Variants in OXR1 observed in about 807,000 individuals in gnomAD.
The protein encoded by OXR1 is oxidation resistance protein 1.
A neutral mutation model predicts 104.6 loss-of-function variants in OXR1; 41 were observed. The ratio of observed to expected loss-of-function variants is 0.39; its 90% CI spans 0.31 to 0.51. The LOEUF (loss-of-function observed/expected upper bound fraction) is 0.51, where lower values mean the gene tolerates loss of function less well. Among genes scored for constraint, OXR1 ranks in the 20% least tolerant of loss-of-function variants. The probability of loss-of-function intolerance (pLI) is 0.77; values close to 1 mark genes in which losing one functional copy is unlikely to be tolerated. For missense variants in OXR1, 955 were observed against 1,031.9 expected, an observed-to-expected ratio of 0.93 and a Z score of 1.02; for synonymous variants, 348 against 348.4, an observed-to-expected ratio of 1.00 and a Z score of 0.01.
At chr8:106,327,370 A>G (rs1454605795) in intron 1 of OXR1, among the ~76,000 whole-genome samples, 3 of 152,206 alleles carry the variant, frequency 2.0e-5, no homozygotes, top group East Asian at 1.9e-4. Flanking sequence ...TTAAATTACT[A>G]TAAGGGTTTT....
chr8:106,618,864 A>G (rs542931207), intron 3 of OXR1, among the ~76,000 whole-genome samples: 41 of 147,442 alleles, frequency 2.8e-4, no homozygotes, highest in South Asian at 1.1e-3. Flanking sequence ...AAATAGGAGG[A>G]TTTTTTTTTT....
chr8:106,663,765 G>A (rs1825997053), intron 3 of OXR1, among the ~76,000 whole-genome samples: 1 of 152,158 alleles, frequency 6.6e-6, no homozygotes, highest in Non-Finnish European at 1.5e-5. Context: ...TCTAATCCCT[G>A]ATGATCTGAG....
intron 8 of OXR1, among the ~76,000 whole-genome samples, chr8:106,704,393 CTTTTTTTTTTTTTTT>C (rs71307084): frequency 5.6e-4 from 27 of 47,890 alleles, no homozygotes; most frequent in African/African-American, 2.1e-3. Context: ...CTTTCTTCTT[CTTTTTTTTTTTTTTT>C]TTTTTTTTTT....
At chr8:106,459,500 A>T (rs1298465918) in intron 2 of OXR1, among the ~76,000 whole-genome samples, 1 of 152,132 alleles carries the variant, frequency 6.6e-6, no homozygotes. Context: ...GACAAAGACA[A>T]GCGCATTACC....
intron 3 of OXR1, among the ~76,000 whole-genome samples, chr8:106,673,713 G>C (rs188469974): frequency 6.6e-6 from 1 of 152,296 alleles, no homozygotes. Context: ...TCATGGGCCA[G>C]ACCCAGGGCC....
intron 1 of OXR1, among the ~76,000 whole-genome samples, chr8:106,302,791 A>G (rs1002801537): frequency 6.6e-6 from 1 of 151,894 alleles, no homozygotes; most frequent in African/African-American, 2.4e-5. Context: ...TCGCTCTGTC[A>G]CCCAGGCTGG....
intron 2 of OXR1, among the ~76,000 whole-genome samples, chr8:106,475,363 G>A (rs1821744067): frequency 1.3e-5 from 2 of 151,922 alleles, no homozygotes; most frequent in African/African-American, 4.8e-5. Flanking sequence ...TTAAGTGGAA[G>A]TGGATCAACC....
chr8:106,536,954 GT>G (rs772953423), intron 3 of OXR1, among the ~76,000 whole-genome samples: 2 of 152,144 alleles, frequency 1.3e-5, no homozygotes, highest in Admixed American at 1.3e-4. Flanking sequence ...AGTTTGAATT[GT>G]TATGACAAAT....
At chr8:106,489,596 G>A (rs1160249775) in intron 2 of OXR1, among the ~76,000 whole-genome samples, 1 of 151,952 alleles carries the variant, frequency 6.6e-6, no homozygotes, top group Non-Finnish European at 1.5e-5. Context: ...GATATGTTTG[G>A]AATATTAAAT....
intron 2 of OXR1, among the ~76,000 whole-genome samples, chr8:106,378,339 TG>T (rs1816991788): frequency 6.6e-6 from 1 of 152,132 alleles, no homozygotes; most frequent in Non-Finnish European, 1.5e-5. Flanking sequence ...CTGGGCCACA[TG>T]GGAATGAGAA....
intron 1 of OXR1, among the ~76,000 whole-genome samples, chr8:106,284,554 A>G (rs1206546614): frequency 1.3e-5 from 2 of 152,332 alleles, no homozygotes; most frequent in East Asian, 3.9e-4. Context: ...CAGCATGCCT[A>G]GCAACTTTTT....
chr8:106,404,840 G>A (rs981656713), intron 2 of OXR1, among the ~76,000 whole-genome samples: 1 of 151,790 alleles, frequency 6.6e-6, no homozygotes, highest in Admixed American at 6.6e-5. Context: ...TGAGTAGCTG[G>A]GACTACAGGT....
intron 3 of OXR1, among the ~76,000 whole-genome samples, chr8:106,554,340 TG>T (rs1247115181): frequency 2.0e-5 from 3 of 152,222 alleles, no homozygotes; most frequent in Non-Finnish European, 4.4e-5. Flanking sequence ...AAATGGTTAT[TG>T]TTTTTTTCCG....
intron 2 of OXR1, among the ~76,000 whole-genome samples, chr8:106,370,023 T>A (rs1006585795): frequency 6.6e-6 from 1 of 152,244 alleles, no homozygotes; most frequent in Admixed American, 6.5e-5. Flanking sequence ...ATTCTTCCTA[T>A]CCATGAGGAT....
At chr8:106,288,747 G>A (rs1389416757) in intron 1 of OXR1, among the ~76,000 whole-genome samples, 4 of 146,898 alleles carry the variant, frequency 2.7e-5, no homozygotes, top group Admixed American at 6.9e-5. Flanking sequence ...GAGAGAATAT[G>A]TATTTGTGTG....
At chr8:106,368,870 A>T (rs1189397815) in intron 2 of OXR1, among the ~76,000 whole-genome samples, 9 of 152,300 alleles carry the variant, frequency 5.9e-5, no homozygotes, top group African/African-American at 1.9e-4. Context: ...ATACTTGTGC[A>T]TGTGTCTTTA....
chr8:106,285,199 A>G (rs888131526), intron 1 of OXR1, among the ~76,000 whole-genome samples: 2 of 152,202 alleles, frequency 1.3e-5, no homozygotes, highest in African/African-American at 4.8e-5. Flanking sequence ...CATGAGCCAA[A>G]GTCATACTAA....
intron 1 of OXR1, among the ~76,000 whole-genome samples, chr8:106,295,175 GT>G (rs1320475500): frequency 2.0e-5 from 3 of 152,118 alleles, no homozygotes; most frequent in Non-Finnish European, 4.4e-5. Flanking sequence ...TAACTTTGGG[GT>G]AACTACCAAG....
chr8:106,633,740 A>G (rs531184319), intron 3 of OXR1, among the ~76,000 whole-genome samples: 1 of 152,338 alleles, frequency 6.6e-6, no homozygotes, highest in East Asian at 1.9e-4. Flanking sequence ...TCAAGTTCAT[A>G]TAAGTCATCT....
Sources: gnomAD v4.1 joint callset for allele counts (sites outside exome capture counted in the v4.1 genomes callset) on GRCh38, gnomAD v4.1.1 for gene constraint, MANE v1.5 for transcripts, NCBI Gene and HGNC (gene_info 2026-07-23, HGNC 2026-07-21) for gene names.